TFDP1: variants seen among roughly 807,000 people sequenced by gnomAD.
TFDP1 encodes transcription factor Dp-1, also known as DRTF1-polypeptide 1.
A neutral mutation model predicts 48.0 loss-of-function variants in TFDP1; 6 were observed. The ratio of observed to expected loss-of-function variants is 0.13; its 90% CI spans 0.07 to 0.25. The LOEUF is 0.25. TFDP1 is among the 10% of genes least tolerant of loss of function. The pLI is 1.00. For missense variants in TFDP1, 335 were observed against 543.0 expected (o/e 0.62, Z 3.81); for synonymous variants, 201 against 211.6 (o/e 0.95, Z 0.44).
chr13:113,611,116 A>G (rs2048698607), intron 3 of TFDP1, 54 bp downstream of exon 3: 1 of 1,499,388 alleles, frequency 6.7e-7, no homozygotes, highest in Non-Finnish European at 9.3e-7. Flanking sequence ...ATGAAGCTTC[A>G]CATGTTTATG....
At position 113,585,859 on chromosome 13, in the gene TFDP1, T is replaced by A; in HGVS notation, c.12+10T>A. 2 of 1,602,664 alleles carry A rather than the reference T, an allele frequency of 1.2e-6. No individual in the cohort carries two copies. The highest frequency in any genetic ancestry group is 8.5e-7 in the Non-Finnish European group (1 of 1,170,756). ...TAACATGGCAAAAGATGTAAGTATG[T>A]TTGCTTCATGCTGCACACGAATGTT... On this transcript the variant is annotated intron_variant, in intron 2 of 11. Coordinates refer to ENST00000375370, the MANE Select transcript of TFDP1 (RefSeq NM_007111.5).
At chr13:113,638,471 C>T (rs1021186886) in intron 11 of TFDP1, among the ~76,000 whole-genome samples, 9 of 151,758 alleles carry the variant, frequency 5.9e-5, no homozygotes, top group African/African-American at 1.7e-4. Context: ...GCACGTGCTG[C>T]GATCACAGTG....
In TFDP1 at chr13:113,612,096, C is replaced by T. The variant is rs4150738; in HGVS notation, c.79+1034C>T. ...CTCAGTGCTTGCCATGGCTCTGGGG[C>T]GTGGGAGTGTGGTGACCAGGCCCCC... is the stretch of plus-strand genomic sequence containing the variant. On this transcript the variant is annotated intron_variant, in intron 3 of 11. Coordinates refer to ENST00000375370, the MANE Select transcript of TFDP1 (RefSeq NM_007111.5). 3.2e-3 allele frequency among the ~76,000 whole-genome samples: 483 copies of T among 152,290 alleles called. 3 individuals are homozygous for T. Among genetic ancestry groups the T allele is most frequent in the Middle Eastern group, 6.8e-3 (2 of 294 alleles).
rs754038520 is a variant in TFDP1 at position 113,631,656 on chromosome 13, A to G, written c.220A>G (p.Asn74Asp). 1 of 1,614,090 alleles carries G rather than the reference A, an allele frequency of 6.2e-7. No individual in the cohort carries two copies. The highest frequency in any genetic ancestry group is 8.5e-7 in the Non-Finnish European group (1 of 1,179,978). The change falls in exon 5 of 12, where the codon AAC becomes GAC. Residue 74 changes from asparagine to aspartate, a missense_variant. Coordinates refer to ENST00000375370, the MANE Select transcript of TFDP1 (RefSeq NM_007111.5). ...TACGCCTCAGAGACCGGCAGCGTCAAACACCCTGGTGGTAGGAAGCCCACA... is the reference window on the plus strand; with the variant it reads ...TACGCCTCAGAGACCGGCAGCGTCAGACACCCTGGTGGTAGGAAGCCCACA... ...IGTPQRPAAS[N>D]TLVVGSPHTP... is the part of the protein sequence containing the mutation.
Position 113,635,985 on chromosome 13 carries a change from C to G in TFDP1, c.696C>G (p.Ala232=). Residue 232 remains alanine, a synonymous_variant, in exon 9 of 12, where the codon GCC becomes GCG. Coordinates refer to ENST00000375370, the MANE Select transcript of TFDP1 (RefSeq NM_007111.5). ...QLQELILQQI[A]FKNLVQRNRH... ...CCTCTTATTTTTTTTAGCAAATTGC[C>G]TTCAAGAACCTGGTGCAGAGAAACC... The G allele has an allele frequency of 6.2e-7, 1 of 1,613,174 alleles. No homozygotes were observed. The highest frequency in any genetic ancestry group is 8.5e-7 in the Non-Finnish European group (1 of 1,179,650).
At chr13:113,606,068 T>C (rs113068455) in intron 2 of TFDP1, among the ~76,000 whole-genome samples, 47 of 113,766 alleles carry the variant, frequency 4.1e-4, no homozygotes, top group African/African-American at 1.5e-3. Flanking sequence ...GGGAAGGCGG[T>C]GCGGTGATGA....
At position 113,623,574 on chromosome 13, in the gene TFDP1, A is replaced by G. The variant is rs1387370294; in HGVS notation, c.186+288A>G. Among the ~76,000 whole-genome samples the G allele has an allele frequency of 6.6e-6, 1 of 151,908 alleles. No individual in the cohort carries two copies. The highest frequency in any genetic ancestry group is 1.5e-5 in the Non-Finnish European group (1 of 67,936). On this transcript the variant is annotated intron_variant, in intron 4 of 11. Transcript: ENST00000375370. This position sits in a 1 kb window ranked among gnomAD's most constrained non-coding sequence, Gnocchi z 5.2. Reference sequence around the variant, plus strand: ...GGTGGTGGGTGGGGCCGCGGCCCCAACCAGAGGCAGCTTCCTTTTAGTGTC... The same window carrying G: ...GGTGGTGGGTGGGGCCGCGGCCCCAGCCAGAGGCAGCTTCCTTTTAGTGTC...
At chr13:113,626,349 T>C (rs1000332268) in intron 4 of TFDP1, among the ~76,000 whole-genome samples, 1 of 152,260 alleles carries the variant, frequency 6.6e-6, no homozygotes, top group African/African-American at 2.4e-5. Context: ...TTTATATGCA[T>C]TCCTGCTATT....
At position 113,623,529 on chromosome 13, in the gene TFDP1, CATCCT is replaced by C. The variant is rs1436699394; in HGVS notation, c.186+244_186+248del. The stretch of plus-strand genomic sequence containing the variant: ...CACTCCTGTGTGCCCCAGCCCATGC[CATCCT>C]TCCAGTAACTGGAGGGTGGTGGGTG... On this transcript the variant is annotated intron_variant, in intron 4 of 11. Coordinates refer to ENST00000375370, the MANE Select transcript of TFDP1 (RefSeq NM_007111.5). This position sits in a 1 kb window ranked among gnomAD's most constrained non-coding sequence, Gnocchi z 5.2. Among the ~76,000 whole-genome samples the C allele has an allele frequency of 6.6e-6, 1 of 152,160 alleles. No individual in the cohort carries two copies. Among genetic ancestry groups the C allele is most frequent in the Non-Finnish European group, 1.5e-5 (1 of 68,026 alleles).
intron 3 of TFDP1, among the ~76,000 whole-genome samples, chr13:113,620,351 C>T (rs1369551941): frequency 6.6e-6 from 1 of 152,244 alleles, no homozygotes; most frequent in Non-Finnish European, 1.5e-5. Context: ...CGTGGCCTGG[C>T]TGTTCAGGAC....
chr13:113,611,135 G>T lies in TFDP1; in HGVS notation c.79+73G>T, dbSNP rs1002159433. ...AGCTTCACATGTTTATGAAGCTGTT[G>T]ACGCTGAAGCCTCTTGCTAATGATG... On this transcript the variant is annotated intron_variant, in intron 3 of 11. Coordinates refer to ENST00000375370, the MANE Select transcript of TFDP1 (RefSeq NM_007111.5). The T allele has an allele frequency of 4.3e-6, 6 of 1,402,406 alleles. No homozygotes were observed. The African/African-American group carries it at 7.1e-5, about 17-fold the overall frequency. The allele number at this position is 1,402,406 out of a possible 1,614,324, so 86.9% of individuals were successfully genotyped here.
chr13:113,609,887 C>T (rs1262954571), intron 2 of TFDP1, among the ~76,000 whole-genome samples: 1 of 152,234 alleles, frequency 6.6e-6, no homozygotes, highest in Non-Finnish European at 1.5e-5. Context: ...ACTCAGGCTG[C>T]CACGCCTGTG....
At chr13:113,613,740 CTGTGTGTA>C (rs1232031586) in intron 3 of TFDP1, among the ~76,000 whole-genome samples, 3 of 146,388 alleles carry the variant, frequency 2.0e-5, no homozygotes, top group Admixed American at 6.8e-5. Context: ...ATGAGTGTGT[CTGTGTGTA>C]TGCGTGAATG....
intron 3 of TFDP1, among the ~76,000 whole-genome samples, chr13:113,611,667 C>G (rs959357592): frequency 2.0e-5 from 3 of 152,364 alleles, no homozygotes; most frequent in Non-Finnish European, 2.9e-5. Context: ...GGTGTGTGTG[C>G]TCACCTGGTT....
At chr13:113,603,951 C>T (rs1226849304) in intron 2 of TFDP1, among the ~76,000 whole-genome samples, 2 of 151,956 alleles carry the variant, frequency 1.3e-5, no homozygotes, top group African/African-American at 4.8e-5. Flanking sequence ...CTGCTTGAGC[C>T]CAGGAGTTCG....
intron 4 of TFDP1, among the ~76,000 whole-genome samples, chr13:113,628,956 C>T (rs1030015164): frequency 6.6e-6 from 1 of 152,194 alleles, no homozygotes. Flanking sequence ...GCGGCCGGCC[C>T]GAGTTCACCG....
intron 2 of TFDP1, among the ~76,000 whole-genome samples, chr13:113,608,262 G>C: frequency 6.6e-6 from 1 of 152,262 alleles, no homozygotes; most frequent in South Asian, 2.1e-4. Context: ...CCCAGTGCCA[G>C]TCCCTGGCCC....
In TFDP1 at chr13:113,619,498, A is replaced by G. The variant is rs555116546; in HGVS notation, c.80-3682A>G. Among the ~76,000 whole-genome samples, 337 of 151,664 alleles carry G rather than the reference A, an allele frequency of 2.2e-3. 1 individual carries two copies. Among genetic ancestry groups the G allele is most frequent in the South Asian group, 1.0e-2 (48 of 4,804 alleles). On this transcript the variant is annotated intron_variant, in intron 3 of 11. Coordinates refer to ENST00000375370, the MANE Select transcript of TFDP1 (RefSeq NM_007111.5). Reference sequence around the variant, plus strand: ...AAAAAAAACAAAAAAAAAAAAAAAAAAAGAAGAAGCCCACCCACCCAGGTC... The same window carrying G: ...AAAAAAAACAAAAAAAAAAAAAAAAGAAGAAGAAGCCCACCCACCCAGGTC...
chr13:113,622,571 C>T (rs2049021535), intron 3 of TFDP1, among the ~76,000 whole-genome samples: 3 of 152,324 alleles, frequency 2.0e-5, no homozygotes, highest in African/African-American at 7.2e-5. Flanking sequence ...GTAAATGTTC[C>T]AGGACTTTTA....
Sources: gnomAD v4.1 joint callset for allele counts (sites outside exome capture counted in the v4.1 genomes callset) on GRCh38, gnomAD v4.1.1 for gene constraint, Gnocchi (gnomAD v3.1) non-coding constraint, MANE v1.5 for transcripts, NCBI Gene and HGNC (gene_info 2026-07-23, HGNC 2026-07-21) for gene names.